The following UBAC2 variants were observed in gnomAD, a reference collection of about 807,000 sequenced individuals.
The protein encoded by UBAC2 is UBA domain containing 2, also known as ubiquitin-associated domain-containing protein 2.
A neutral mutation model predicts 44.0 loss-of-function variants in UBAC2; 26 were observed. The observed-to-expected ratio is 0.59, with a 90% confidence interval of 0.43 to 0.82. UBAC2 has a LOEUF of 0.82. Ranked by LOEUF, UBAC2 falls within the 40% of genes least tolerant of loss-of-function variation. The pLI, the probability that UBAC2 is intolerant of heterozygous loss-of-function variation, is 0.00. For synonymous variants in UBAC2, 155 were observed against 154.3 expected (o/e 1.00, Z -0.04); for missense variants, 329 against 419.4 (o/e 0.78, Z 1.88).
At chr13:99,299,936 T>C (rs2044233793) in intron 4 of UBAC2, among the ~76,000 whole-genome samples, 1 of 152,232 alleles carries the variant, frequency 6.6e-6, no homozygotes, top group Non-Finnish European at 1.5e-5. Context: ...CTCTCTGTGA[T>C]GACCTGGCTT....
At chr13:99,344,739 G>A (rs1028725922) in intron 7 of UBAC2, among the ~76,000 whole-genome samples, 16 of 152,276 alleles carry the variant, frequency 1.1e-4, no homozygotes, top group Middle Eastern at 3.4e-3. Context: ...CTGCCATCTG[G>A]CAGGTGCTCG....
rs939043508 is a variant in UBAC2 at position 99,244,461 on chromosome 13, A to T, written c.280-54A>T. 1.2e-4 allele frequency: 152 copies of T among 1,234,288 alleles called. 2 individuals are homozygous for T. In the Middle Eastern group the frequency reaches 1.3e-3, roughly 11 times the overall value. The allele number at this position is 1,234,288 out of a possible 1,614,324, so 76.5% of individuals were successfully genotyped here. The stretch of plus-strand genomic sequence containing the variant: ...AGCTGATTCTAGCTGAATAAATGTT[A>T]GTTTATTTTTAGGAGACTCATCTCT... On this transcript the variant is annotated intron_variant, in intron 3 of 8. Coordinates refer to ENST00000403766, the MANE Select transcript of UBAC2 (RefSeq NM_001144072.2).
chr13:99,383,770 G>T (rs906460948), intron 8 of UBAC2, among the ~76,000 whole-genome samples: 4 of 152,266 alleles, frequency 2.6e-5, no homozygotes, highest in Non-Finnish European at 4.4e-5. Flanking sequence ...GCCCTGGCTG[G>T]ACTCCAGCTT....
intron 4 of UBAC2, among the ~76,000 whole-genome samples, chr13:99,274,017 A>G (rs1307484272): frequency 6.6e-6 from 1 of 152,094 alleles, no homozygotes; most frequent in East Asian, 1.9e-4. Context: ...GAGCTCACAG[A>G]CTTTTTACAA....
intron 4 of UBAC2, among the ~76,000 whole-genome samples, chr13:99,276,711 C>T (rs192286883): frequency 2.0e-5 from 3 of 152,336 alleles, no homozygotes; most frequent in East Asian, 1.9e-4. Context: ...TCCTGCTGGT[C>T]GGCCAGCTCC....
intron 8 of UBAC2, among the ~76,000 whole-genome samples, chr13:99,375,801 C>CTTTTTTTTTT (rs34318354): frequency 1.1e-4 from 12 of 110,888 alleles, no homozygotes; most frequent in East Asian, 2.4e-4. Context: ...TCCTTTTTCC[C>CTTTTTTTTTT]TTTTTTTTTT....
intron 4 of UBAC2, chr13:99,296,176 C>T (rs755050839): frequency 2.2e-5 from 34 of 1,532,178 alleles, no homozygotes; most frequent in Middle Eastern, 1.8e-4. Context: ...AGAAAAAAAC[C>T]AAGAAGGATC....
At chr13:99,301,142 G>A (rs1326170119) in intron 4 of UBAC2, among the ~76,000 whole-genome samples, 5 of 152,094 alleles carry the variant, frequency 3.3e-5, no homozygotes, top group Non-Finnish European at 5.9e-5. Flanking sequence ...AAAGATGCAC[G>A]TGGCCCCTCA....
chr13:99,255,566 AC>A, intron 4 of UBAC2: 7 of 1,614,194 alleles, frequency 4.3e-6, no homozygotes, highest in Non-Finnish European at 5.9e-6. Context: ...CTTGGGTAAA[AC>A]ACTGTGAGAG....
At chr13:99,349,066 A>C (rs1049705677) in intron 7 of UBAC2, among the ~76,000 whole-genome samples, 2 of 152,340 alleles carry the variant, frequency 1.3e-5, no homozygotes, top group Middle Eastern at 3.4e-3. Context: ...GAGCTAGAGC[A>C]TGCTTAGCTC....
intron 4 of UBAC2, chr13:99,255,930 A>C: frequency 6.9e-7 from 1 of 1,455,000 alleles, no homozygotes; most frequent in Non-Finnish European, 9.2e-7. Flanking sequence ...TAAGAAAAAT[A>C]AGAATAAAAT....
chr13:99,253,096 T>G (rs906637991), intron 4 of UBAC2, among the ~76,000 whole-genome samples: 3 of 150,130 alleles, frequency 2.0e-5, no homozygotes, highest in African/African-American at 7.3e-5. Context: ...AAATAATATA[T>G]AAAGATATAA....
chr13:99,225,228 T>G (rs553101530), intron 1 of UBAC2, among the ~76,000 whole-genome samples: 8 of 152,336 alleles, frequency 5.3e-5, no homozygotes, highest in Admixed American at 3.3e-4. Context: ...GTTCATATTG[T>G]GCAACCGATG....
At chr13:99,246,756 G>T (rs1324614012) in intron 4 of UBAC2, among the ~76,000 whole-genome samples, 5 of 152,174 alleles carry the variant, frequency 3.3e-5, no homozygotes, top group African/African-American at 4.8e-5. Context: ...TTAAATCTCA[G>T]TTTGTAGCAA....
intron 1 of UBAC2, among the ~76,000 whole-genome samples, chr13:99,223,865 T>A (rs1333117459): frequency 6.6e-6 from 1 of 152,170 alleles, no homozygotes; most frequent in Non-Finnish European, 1.5e-5. Flanking sequence ...TGATTTTAAT[T>A]CCTTTAAATT....
intron 4 of UBAC2, among the ~76,000 whole-genome samples, chr13:99,289,610 A>T (rs2044063720): frequency 6.6e-6 from 1 of 152,124 alleles, no homozygotes. Context: ...CACTCTGTGT[A>T]TTGGTCTTTT....
chr13:99,275,047 A>T (rs901633333), intron 4 of UBAC2, among the ~76,000 whole-genome samples: 2 of 152,218 alleles, frequency 1.3e-5, no homozygotes, highest in Non-Finnish European at 2.9e-5. Context: ...CTTTTGTTGC[A>T]TATATGTATG....
intron 1 of UBAC2, among the ~76,000 whole-genome samples, chr13:99,203,000 G>A (rs1290266187): frequency 6.6e-6 from 1 of 150,852 alleles, no homozygotes; most frequent in Non-Finnish European, 1.5e-5. Context: ...CCCACTGAGG[G>A]AGAAGTGATT....
intron 6 of UBAC2, among the ~76,000 whole-genome samples, chr13:99,339,343 T>C (rs1158646189): frequency 6.6e-6 from 1 of 152,196 alleles, no homozygotes; most frequent in East Asian, 1.9e-4. Context: ...CCATGTCACT[T>C]TATTTCCTTC....
Sources: allele counts gnomAD v4.1 joint callset (sites outside exome capture counted in the v4.1 genomes callset), GRCh38; gene constraint gnomAD v4.1.1; transcripts MANE v1.5; gene names NCBI Gene and HGNC (gene_info 2026-07-23, HGNC 2026-07-21).